Variants in PDPR observed in about 807,000 individuals in gnomAD.
PDPR encodes the protein pyruvate dehydrogenase phosphatase regulatory subunit, mitochondrial.
PDPR carries 50 observed loss-of-function variants against 102.2 expected under a neutral mutation model. The ratio of observed to expected loss-of-function variants is 0.49; its 90% CI spans 0.39 to 0.62. The LOEUF (loss-of-function observed/expected upper bound fraction) is 0.62, where lower values mean the gene tolerates loss of function less well. Among genes scored for constraint, PDPR ranks in the 20% least tolerant of loss-of-function variants. PDPR has a pLI of 0.00. For synonymous variants in PDPR, 259 were observed against 406.0 expected, an observed-to-expected ratio of 0.64 and a Z score of 4.35; for missense variants, 625 against 1,098.2, an observed-to-expected ratio of 0.57 and a Z score of 6.09.
chr16:70,127,315 T>C lies in PDPR; in HGVS notation c.283T>C (p.Leu95=), dbSNP rs1186184410. The change falls in exon 4 of 19, where the codon TTG becomes CTG. Residue 95 remains leucine (L), a synonymous_variant. Coordinates refer to ENST00000288050, the MANE Select transcript of PDPR (RefSeq NM_017990.5). Reference sequence around the variant, plus strand: ...TGGCATCCTGAGCACTGCCAGGCACTTGACCATTGAGCAGAAGATGGCAGA... The same window carrying C: ...TGGCATCCTGAGCACTGCCAGGCACCTGACCATTGAGCAGAAGATGGCAGA... ...CAGILSTARH[L]TIEQKMADYS... 6.2e-7 allele frequency: 1 copy of C among 1,610,046 alleles called. No individual in the cohort carries two copies. The highest frequency in any genetic ancestry group is 8.5e-7 in the Non-Finnish European group (1 of 1,177,916).
chr16:70,142,441 A>C (rs1454808726), intron 12 of PDPR, 52 bp downstream of exon 12: 5 of 1,610,798 alleles, frequency 3.1e-6, no homozygotes, highest in Non-Finnish European at 2.5e-6. Flanking sequence ...TTGTCCTGGG[A>C]ATTAATAAAA....
intron 9 of PDPR, among the ~76,000 whole-genome samples, chr16:70,133,452 C>G (rs1964763979): frequency 1.9e-5 from 2 of 103,954 alleles, no homozygotes; most frequent in Admixed American, 1.3e-4. Flanking sequence ...GAGTCTTGCT[C>G]TGTCGCCCAG....
At chr16:70,127,113 C>G (rs1415539367) in intron 3 of PDPR, 147 bp from the exon 4 acceptor site, 3 of 1,487,704 alleles carry the variant, frequency 2.0e-6, no homozygotes, top group African/African-American at 2.8e-5. Flanking sequence ...CCTTGGCCTC[C>G]TAAAGTGCTG....
intron 2 of PDPR, 183 bp from the exon 3 acceptor site, chr16:70,120,278 C>T (rs1428930433): frequency 3.9e-6 from 2 of 508,428 alleles, no homozygotes; most frequent in African/African-American, 3.9e-5. Context: ...TCTCGATCTC[C>T]TGACCTCGTG....
chr16:70,143,299 A>G (rs553550096), intron 13 of PDPR, among the ~76,000 whole-genome samples: 180 of 152,378 alleles, frequency 1.2e-3, no homozygotes, highest in African/African-American at 4.0e-3. Context: ...TCCTTGTTTC[A>G]GGTTTTTAAT....
chr16:70,135,100 C>A (rs1434894117), intron 9 of PDPR, among the ~76,000 whole-genome samples: 1 of 152,212 alleles, frequency 6.6e-6, no homozygotes, highest in African/African-American at 2.4e-5. Flanking sequence ...TATGATGAGC[C>A]CCCATGTACC....
Position 70,132,353 on chromosome 16 carries a change from A to G in PDPR, c.997+53A>G, listed in dbSNP as rs187211916. On this transcript the variant is annotated intron_variant, in intron 9 of 18. Coordinates refer to ENST00000288050, the MANE Select transcript of PDPR (RefSeq NM_017990.5). ...GCCTTATATTTGTTTAAGATGTTAT[A>G]TTTTTCAAAGTATTTTGAAGAATAG... is the stretch of plus-strand genomic sequence containing the variant. 1.2e-4 allele frequency: 185 copies of G among 1,538,260 alleles called. No homozygotes were observed. In the African/African-American group the frequency reaches 2.2e-3, roughly 18 times the overall value.
At chr16:70,149,028 G>A (rs1447518768) in intron 17 of PDPR, among the ~76,000 whole-genome samples, 1 of 151,732 alleles carries the variant, frequency 6.6e-6, no homozygotes, top group Non-Finnish European at 1.5e-5. Context: ...CCGAGTAGCT[G>A]GGACTGTAGG....
Position 70,130,413 on chromosome 16 carries a change from C to T in PDPR, c.608-10C>T, listed in dbSNP as rs1378792612. ...GATGAAACACCAACTCTTTCTTTAC[C>T]TTGGAACAGGTGTTCAGATCTATGA... is the stretch of plus-strand genomic sequence containing the variant. On this transcript the variant is annotated splice_polypyrimidine_tract_variant and intron_variant, in intron 6 of 18. Transcript: ENST00000288050. 1 of 1,613,036 alleles carries T rather than the reference C, an allele frequency of 6.2e-7. No individual in the cohort carries two copies. Among genetic ancestry groups the T allele is most frequent in the Non-Finnish European group, 8.5e-7 (1 of 1,179,532 alleles).
At chr16:70,150,066 AGCGTGAGCCACCGCACCCG>A (rs1355287190) in intron 17 of PDPR, among the ~76,000 whole-genome samples, 1 of 149,070 alleles carries the variant, frequency 6.7e-6, no homozygotes, top group Non-Finnish European at 1.5e-5. Context: ...TGGGATTAGA[AGCGTGAGCCACCGCACCCG>A]GCCGGCTTTT....
At chr16:70,143,147 C>T (rs1312144812) in intron 13 of PDPR, among the ~76,000 whole-genome samples, 43 of 152,182 alleles carry the variant, frequency 2.8e-4, no homozygotes, top group Admixed American at 2.8e-3. Flanking sequence ...TGAGATTGCG[C>T]CACTGCACTC....
chr16:70,140,250 C>A (rs528301528), intron 11 of PDPR, among the ~76,000 whole-genome samples: 22 of 152,324 alleles, frequency 1.4e-4, no homozygotes, highest in African/African-American at 4.6e-4. Flanking sequence ...CTGAGGTAGG[C>A]GAATCACCTG....
chr16:70,155,802 C>CTTTTTTTTTTTT (rs60054362), intron 18 of PDPR, among the ~76,000 whole-genome samples: 1 of 139,696 alleles, frequency 7.2e-6, no homozygotes, highest in African/African-American at 2.7e-5. Flanking sequence ...ATAAAAAAGT[C>CTTTTTTTTTTTT]TTTTTTTTTT....
Position 70,162,170 on chromosome 16 carries a change from G to A in PDPR, c.*5291G>A, listed in dbSNP as rs1967852402. 6.6e-6 allele frequency: 1 copy of A among 152,544 alleles called. No homozygotes were observed. Among genetic ancestry groups the A allele is most frequent in the African/African-American group, 2.4e-5 (1 of 41,476 alleles). 9.4% of individuals were successfully genotyped at this position (152,544 alleles called of 1,614,324 possible). A position where few individuals can be genotyped will look rare whatever the true frequency, so the allele number is the denominator to read the frequency against. On this transcript the variant is annotated 3_prime_UTR_variant, in exon 19 of 19. Coordinates refer to ENST00000288050, the MANE Select transcript of PDPR (RefSeq NM_017990.5). The stretch of plus-strand genomic sequence containing the variant: ...TGGGGTAGAAAGCTCTTTCAGTGAA[G>A]GGTGTTCTAGCAGCTCAGTTAACAC...
intron 17 of PDPR, 120 bp from the exon 18 acceptor site, chr16:70,153,271 G>C: frequency 1.8e-6 from 2 of 1,125,592 alleles, no homozygotes; most frequent in Non-Finnish European, 1.2e-6. Flanking sequence ...GACATCCTGG[G>C]AGTTTTATAC....
chr16:70,156,344 G>C, intron 18 of PDPR, 131 bp from the exon 19 acceptor site: 12 of 1,131,872 alleles, frequency 1.1e-5, no homozygotes, highest in Non-Finnish European at 1.5e-5. Context: ...TTTCCCAAAA[G>C]CTGGCAGGGT....
chr16:70,122,314 G>C (rs1007983397), intron 3 of PDPR, among the ~76,000 whole-genome samples: 1 of 152,264 alleles, frequency 6.6e-6, no homozygotes, highest in East Asian at 1.9e-4. Flanking sequence ...ATCAGACTTG[G>C]GTTAGAGACT....
Position 70,161,640 on chromosome 16 carries a change from T to G in PDPR, c.*4761T>G, listed in dbSNP as rs972980128. On this transcript the variant is annotated 3_prime_UTR_variant, in exon 19 of 19. Transcript: ENST00000288050. ...GTGCTGAGTTGTAAGGCTCCTCCAT[T>G]GTCAGTACAGGGCTCGCCTTTGTAG... The G allele has an allele frequency of 6.5e-6, 1 of 152,784 alleles. No individual in the cohort carries two copies. Among genetic ancestry groups the G allele is most frequent in the African/African-American group, 2.4e-5 (1 of 41,474 alleles). The allele number at this position is 152,784 out of a possible 1,614,324, so 9.5% of individuals were successfully genotyped here.
rs1180428629 is a variant in PDPR, at chr16:70,129,110, GCCTCC to G, written c.597_601del (p.Ser200LysfsTer7). 1 of 1,613,772 alleles carries G rather than the reference GCCTCC, an allele frequency of 6.2e-7. No homozygotes were observed. Among genetic ancestry groups the G allele is most frequent in the Non-Finnish European group, 8.5e-7 (1 of 1,179,756 alleles). On this transcript the variant is annotated frameshift_variant, in exon 6 of 19. Coordinates refer to ENST00000288050, the MANE Select transcript of PDPR (RefSeq NM_017990.5). LOFTEE classifies it high-confidence loss of function. ...CGTGGCTCTTGCCCTGGCAAGTGCT[GCCTCC>G]CAAAATGGTGAGCAGGTTTTTGCAT...
Sources: gnomAD v4.1 joint callset for allele counts (sites outside exome capture counted in the v4.1 genomes callset) on GRCh38, gnomAD v4.1.1 for gene constraint, MANE v1.5 for transcripts, NCBI Gene and HGNC (gene_info 2026-07-23, HGNC 2026-07-21) for gene names.